Variants in FPR1 observed in about 807,000 individuals in gnomAD.
FPR1 encodes the protein formyl peptide receptor 1, also known as N-formyl peptide receptor 1.
For synonymous variants in FPR1, 193 were observed against 176.7 expected (o/e 1.09, Z -0.73); for missense variants, 407 against 453.0 (o/e 0.90, Z 0.92).
intron 1 of FPR1, among the ~76,000 whole-genome samples, chr19:51,751,189 T>C (rs2083778640): frequency 6.6e-6 from 1 of 152,082 alleles, no homozygotes; most frequent in African/African-American, 2.4e-5. Context: ...TCTGCCCTCA[T>C]CTCTGTAACC....
intron 1 of FPR1, chr19:51,750,627 G>A (rs1331291375): frequency 1.3e-5 from 2 of 152,144 alleles, no homozygotes; most frequent in African/African-American, 2.4e-5. Context: ...TGAATGATGA[G>A]GATTCTGCAA....
At chr19:51,748,215 A>G (rs2083760084) in intron 1 of FPR1, among the ~76,000 whole-genome samples, 1 of 152,108 alleles carries the variant, frequency 6.6e-6, no homozygotes, top group Admixed American at 6.5e-5. Context: ...AGGAAGGAAG[A>G]CACCACAAGT....
intron 1 of FPR1, among the ~76,000 whole-genome samples, chr19:51,749,858 A>C (rs1314019508): frequency 6.6e-6 from 1 of 152,030 alleles, no homozygotes; most frequent in Non-Finnish European, 1.5e-5. Flanking sequence ...TTTAGTAGAC[A>C]TGGGGTTTCA....
chr19:51,750,252 G>T (rs183953577), intron 1 of FPR1: 4 of 152,294 alleles, frequency 2.6e-5, no homozygotes, highest in Non-Finnish European at 5.9e-5. Flanking sequence ...ACTGGAGACA[G>T]GCTGTAGGAG....
At chr19:51,747,723 A>G (rs2083757422) in intron 1 of FPR1, among the ~76,000 whole-genome samples, 1 of 152,246 alleles carries the variant, frequency 6.6e-6, no homozygotes, top group South Asian at 2.1e-4. Context: ...CCAGATGTCC[A>G]TCAACAGATG....
rs148846448 is a variant in FPR1, at chr19:51,746,735, A to G, written c.260T>C (p.Met87Thr). Residue 87 changes from methionine (M) to threonine (T), a missense_variant, in exon 2 of 2, where the codon ATG (methionine) becomes ACG (threonine). Physicochemically the swap from Met to Thr is moderately conservative, Grantham distance 81 (BLOSUM62 -1). Coordinates refer to ENST00000304748, the MANE Select transcript of FPR1 (RefSeq NM_002029.4). This position sits in a 1 kb window ranked among gnomAD's most constrained non-coding sequence, Gnocchi z 4.3. ...CCAGCCGAAAGGCCAATGTCCTCCC[A>G]TGGCCTTCCTGACCATGAAGAATGG... The part of the protein sequence containing the change: ...TLPFFMVRKA[M>T]GGHWPFGWFL... The G allele has an allele frequency of 1.2e-6, 2 of 1,614,166 alleles. No homozygotes were observed. The highest frequency in any genetic ancestry group is 8.5e-7 in the Non-Finnish European group (1 of 1,180,020).
rs1199540312 is a variant in FPR1, at chr19:51,745,924, T to TG, written c.*17dup. The TG allele has an allele frequency of 1.9e-6, 3 of 1,590,410 alleles. No individual in the cohort carries two copies. The highest frequency in any genetic ancestry group is 2.2e-5 in the South Asian group (2 of 90,246). ...GAAGCTGGAGCTGGGAGCTCGAAAGTGTCCCCCAGCTCCCTCCTCACTTTG... is the reference window on the plus strand; with the variant it reads ...GAAGCTGGAGCTGGGAGCTCGAAAGTGGTCCCCCAGCTCCCTCCTCACTTTG... On this transcript the variant is annotated 3_prime_UTR_variant, in exon 2 of 2. Coordinates refer to ENST00000304748, the MANE Select transcript of FPR1 (RefSeq NM_002029.4).
At chr19:51,747,132 C>T in intron 1 of FPR1, 127 bp from the exon 2 acceptor site, 1 of 658,496 alleles carries the variant, frequency 1.5e-6, no homozygotes, top group Non-Finnish European at 2.6e-6. Flanking sequence ...GCTCCCACAA[C>T]AGCCGGAACA....
At chr19:51,745,737 A>G (rs1868943), downstream of FPR1, 482,447 of 520,982 alleles carry the variant, frequency 0.93, 223,773 homozygotes, top group East Asian at 0.98. Flanking sequence ...CTGACCACCC[A>G]AGGCTGAGGT....
intron 1 of FPR1, among the ~76,000 whole-genome samples, chr19:51,749,591 A>T (rs572925084): frequency 8.5e-5 from 13 of 152,194 alleles, no homozygotes; most frequent in Non-Finnish European, 1.8e-4. Context: ...TCATTAGATC[A>T]GGTATGCAAA....
Position 51,746,556 on chromosome 19 carries a change from T to C in FPR1, c.439A>G (p.Ile147Val), listed in dbSNP as rs183314714. The change falls in exon 2 of 2, where the codon ATT becomes GTT. Residue 147 changes from isoleucine (I) to valine (V), a missense_variant. Coordinates refer to ENST00000304748, the MANE Select transcript of FPR1 (RefSeq NM_002029.4). The surrounding 1 kb of genome is among the most constrained non-coding windows in gnomAD (Gnocchi z 4.3). ...AGCAGAGCCATCACCCAGGGCCCAA[T>C]GATCACCTTCTTGGCCAGGCTCACG... is the stretch of plus-strand genomic sequence containing the variant. ...RTVSLAKKVI[I>V]GPWVMALLLT... 4.9e-5 allele frequency: 79 copies of C among 1,614,042 alleles called. No homozygotes were observed. The highest frequency in any genetic ancestry group is 4.2e-4 in the Admixed American group (25 of 59,996).
rs141913828 is a variant in FPR1, at chr19:51,746,321, G to A, written c.674C>T (p.Ala225Val). Residue 225 changes from alanine to valine, a missense_variant, in exon 2 of 2, where the codon GCC (alanine) becomes GTC (valine). Coordinates refer to ENST00000304748, the MANE Select transcript of FPR1 (RefSeq NM_002029.4). This position sits in a 1 kb window ranked among gnomAD's most constrained non-coding sequence, Gnocchi z 4.3. Reference protein sequence around the residue: ...SIVAVSYGLIATKIHKQGLIK... With the variant: ...SIVAVSYGLIVTKIHKQGLIK... ...CAAGCCTTGCTTGTGGATCTTGGTG[G>A]CAATAAGCCCATAACTGACAGCAAC... is the stretch of plus-strand genomic sequence containing the variant. 331 of 1,613,776 alleles carry A rather than the reference G, an allele frequency of 2.1e-4. No homozygotes were observed. Among genetic ancestry groups the A allele is most frequent in the Non-Finnish European group, 2.7e-4 (314 of 1,179,984 alleles).
chr19:51,750,059 G>A (rs533361145), intron 1 of FPR1: 15 of 152,162 alleles, frequency 9.9e-5, no homozygotes, highest in Non-Finnish European at 1.6e-4. Flanking sequence ...TTGCAGACGA[G>A]GAAAGTGCGA....
Position 51,746,704 on chromosome 19 carries a change from C to A in FPR1, c.291G>T (p.Leu97=). The change falls in exon 2 of 2, where the codon CTG becomes CTT. Residue 97 remains leucine, a synonymous_variant. Coordinates refer to ENST00000304748, the MANE Select transcript of FPR1 (RefSeq NM_002029.4). This position sits in a 1 kb window ranked among gnomAD's most constrained non-coding sequence, Gnocchi z 4.3. ...CCACTATGGTAAAGACGAATTTGCA[C>A]AGGAACCAGCCGAAAGGCCAATGTC... ...MGGHWPFGWF[L]CKFVFTIVDI... is the part of the protein sequence containing the mutation. 6.2e-7 allele frequency: 1 copy of A among 1,614,144 alleles called. No homozygotes were observed. The highest frequency in any genetic ancestry group is 8.5e-7 in the Non-Finnish European group (1 of 1,180,024).
In FPR1 at chr19:51,745,810, C is replaced by G; in HGVS notation, c.*132G>C. The stretch of plus-strand genomic sequence containing the variant: ...TGTTTATTCTCCCCAAATCAGGGGA[C>G]ACAAAGGCTTTTTTTTTTTTTTCTG... On this transcript the variant is annotated 3_prime_UTR_variant, in exon 2 of 2. Coordinates refer to ENST00000304748, the MANE Select transcript of FPR1 (RefSeq NM_002029.4). 1 of 709,150 alleles carries G rather than the reference C, an allele frequency of 1.4e-6. No individual in the cohort carries two copies. The allele number at this position is 709,150 out of a possible 1,614,324, so 43.9% of individuals were successfully genotyped here. A position where few individuals can be genotyped will look rare whatever the true frequency, so the allele number is the denominator to read the frequency against.
In FPR1 at chr19:51,746,559, T is replaced by C. The variant is rs756459168; in HGVS notation, c.436A>G (p.Ile146Val). 12 of 1,613,946 alleles carry C rather than the reference T, an allele frequency of 7.4e-6. No homozygotes were observed. The East Asian group carries it at 2.7e-4, about 36-fold the overall frequency. ...HRTVSLAKKV[I>V]IGPWVMALLL... is the part of the protein sequence containing the mutation. ...AGAGCCATCACCCAGGGCCCAATGA[T>C]CACCTTCTTGGCCAGGCTCACGGTG... The change falls in exon 2 of 2, where the codon ATC becomes GTC. Residue 146 changes from isoleucine to valine, a missense_variant. Transcript: ENST00000304748. This position sits in a 1 kb window ranked among gnomAD's most constrained non-coding sequence, Gnocchi z 4.3.
chr19:51,748,740 C>T (rs993931030), intron 1 of FPR1, among the ~76,000 whole-genome samples: 5 of 152,128 alleles, frequency 3.3e-5, no homozygotes, highest in African/African-American at 9.7e-5. Context: ...AGATTATAGG[C>T]GTGAGCCACT....
rs145775814 is a variant in FPR1 at position 51,746,343 on chromosome 19, C to A, written c.652G>T (p.Ala218Ser). 8.7e-6 allele frequency: 14 copies of A among 1,614,056 alleles called. No homozygotes were observed. The highest frequency in any genetic ancestry group is 1.0e-5 in the Non-Finnish European group (12 of 1,180,044). ...IGFSAPMSIV[A>S]VSYGLIATKI... ...GTGGCAATAAGCCCATAACTGACAGCAACGATGGACATGGGTGCGCTGAAG... is the reference window on the plus strand; with the variant it reads ...GTGGCAATAAGCCCATAACTGACAGAAACGATGGACATGGGTGCGCTGAAG... The change falls in exon 2 of 2, where the codon GCT becomes TCT. Residue 218 changes from alanine to serine, a missense_variant. Ala to Ser is a moderately conservative substitution (Grantham distance 99). Coordinates refer to ENST00000304748, the MANE Select transcript of FPR1 (RefSeq NM_002029.4). This position sits in a 1 kb window ranked among gnomAD's most constrained non-coding sequence, Gnocchi z 4.3.
In FPR1 at chr19:51,746,083, C is replaced by T. The variant is rs775336229; in HGVS notation, c.912G>A (p.Met304Ile). Residue 304 changes from methionine to isoleucine, a missense_variant, in exon 2 of 2, where the codon ATG becomes ATA. Physicochemically the swap from Met to Ile is conservative, Grantham distance 10. Transcript: ENST00000304748. The surrounding 1 kb of genome is among the most constrained non-coding windows in gnomAD (Gnocchi z 4.3). Reference sequence around the variant, plus strand: ...TCAGCCTCTCCCGGAAGTCCTGGCCCATGAAGACATAGAGCATGGGGTTGA... The same window carrying T: ...TCAGCCTCTCCCGGAAGTCCTGGCCTATGAAGACATAGAGCATGGGGTTGA... The part of the protein sequence containing the change: ...SCLNPMLYVF[M>I]GQDFRERLIH... 8.1e-6 allele frequency: 13 copies of T among 1,614,196 alleles called. No individual in the cohort carries two copies. Among genetic ancestry groups the T allele is most frequent in the Non-Finnish European group, 9.3e-6 (11 of 1,180,034 alleles).
Sources: allele counts gnomAD v4.1 joint callset (sites outside exome capture counted in the v4.1 genomes callset), GRCh38; gene constraint gnomAD v4.1.1; non-coding constraint Gnocchi (gnomAD v3.1); transcripts MANE v1.5; gene names NCBI Gene and HGNC (gene_info 2026-07-23, HGNC 2026-07-21).